The following HPSE2 variants were observed in gnomAD, a reference collection of about 807,000 sequenced individuals.
HPSE2 encodes the protein inactive heparanase-2.
A neutral mutation model predicts 60.5 loss-of-function variants in HPSE2; 38 were observed. The ratio of observed to expected loss-of-function variants is 0.63; its 90% confidence interval spans 0.48 to 0.82. The LOEUF is 0.82. Ranked by LOEUF, HPSE2 falls within the 40% of genes least tolerant of loss-of-function variation. The probability of loss-of-function intolerance (pLI) is 0.00; values close to 1 mark genes in which losing one functional copy is unlikely to be tolerated. For synonymous variants in HPSE2, 295 were observed against 293.2 expected, an observed-to-expected ratio of 1.01 and a Z score of -0.06; for missense variants, 713 against 740.4, an observed-to-expected ratio of 0.96 and a Z score of 0.43.
chr10:98,541,389 A>C (rs1943452574), intron 9 of HPSE2, among the ~76,000 whole-genome samples: 1 of 152,190 alleles, frequency 6.6e-6, no homozygotes, highest in African/African-American at 2.4e-5. Flanking sequence ...AGCCTGAGCA[A>C]CCCAGAAGAT....
chr10:98,964,942 A>T (rs966401175), intron 3 of HPSE2, among the ~76,000 whole-genome samples: 7 of 152,080 alleles, frequency 4.6e-5, no homozygotes, highest in African/African-American at 1.4e-4. Flanking sequence ...TTAATCCTCA[A>T]CAAGCACTTC....
intron 9 of HPSE2, among the ~76,000 whole-genome samples, chr10:98,507,263 T>C (rs923062896): frequency 6.6e-6 from 1 of 152,154 alleles, no homozygotes; most frequent in African/African-American, 2.4e-5. Context: ...AGGCCCTGAG[T>C]GTATTATTTT....
chr10:98,739,417 C>G (rs971362599), intron 4 of HPSE2, among the ~76,000 whole-genome samples: 9 of 150,128 alleles, frequency 6.0e-5, no homozygotes, highest in African/African-American at 1.7e-4. Flanking sequence ...ACATGTATAC[C>G]TATATAACAA....
chr10:99,108,458 A>G (rs1033560500), intron 3 of HPSE2, among the ~76,000 whole-genome samples: 4 of 152,084 alleles, frequency 2.6e-5, no homozygotes, highest in Non-Finnish European at 4.4e-5. Context: ...ATGTTTAGAT[A>G]TCTGTTTCTT....
chr10:99,279,536 C>T, the HPSE2 span, among the ~76,000 whole-genome samples: 1 of 152,202 alleles, frequency 6.6e-6, no homozygotes, highest in African/African-American at 2.4e-5. Context: ...TTGTCAAATA[C>T]TGTGGTTCAT....
intron 9 of HPSE2, among the ~76,000 whole-genome samples, chr10:98,586,190 C>T (rs1944935912): frequency 6.6e-6 from 1 of 152,138 alleles, no homozygotes; most frequent in African/African-American, 2.4e-5. Context: ...AGGTTCATGC[C>T]TCAGTATCTA....
At chr10:98,503,212 G>GAA (rs1188841526) in intron 9 of HPSE2, among the ~76,000 whole-genome samples, 3 of 37,428 alleles carry the variant, frequency 8.0e-5, no homozygotes, top group East Asian at 8.4e-4. Context: ...GACTCCATCA[G>GAA]AAAAAAAGAA....
intron 3 of HPSE2, among the ~76,000 whole-genome samples, chr10:99,014,495 G>C (rs1957090565): frequency 6.6e-6 from 1 of 152,104 alleles, no homozygotes; most frequent in African/African-American, 2.4e-5. Context: ...TGGGTTGAAA[G>C]GTATTTCTGT....
chr10:98,559,285 C>T (rs1229407725), intron 9 of HPSE2, among the ~76,000 whole-genome samples: 1 of 152,184 alleles, frequency 6.6e-6, no homozygotes, highest in Non-Finnish European at 1.5e-5. Context: ...ATCTTGGCCT[C>T]CCAAAGTGCT....
chr10:98,748,570 C>A (rs546057334), intron 3 of HPSE2, among the ~76,000 whole-genome samples: 1 of 152,012 alleles, frequency 6.6e-6, no homozygotes, highest in Non-Finnish European at 1.5e-5. Context: ...GGATAGTGGG[C>A]AGTTGAAGAT....
At chr10:99,221,511 T>C (rs1254954211) in intron 2 of HPSE2, among the ~76,000 whole-genome samples, 2 of 152,020 alleles carry the variant, frequency 1.3e-5, no homozygotes, top group African/African-American at 4.8e-5. Context: ...GCCACAAGAG[T>C]GATTTTTAGA....
chr10:99,119,328 C>A (rs184535500), intron 3 of HPSE2, among the ~76,000 whole-genome samples: 50 of 152,216 alleles, frequency 3.3e-4, no homozygotes, highest in African/African-American at 1.2e-3. Context: ...ATCAGGAATG[C>A]AATCCCATTC....
intron 2 of HPSE2, among the ~76,000 whole-genome samples, chr10:99,207,455 T>C (rs1848788612): frequency 1.3e-5 from 2 of 151,990 alleles, no homozygotes; most frequent in Non-Finnish European, 2.9e-5. Context: ...CACTAAGATA[T>C]AAAAATCACT....
intron 6 of HPSE2, among the ~76,000 whole-genome samples, chr10:98,688,528 T>C (rs1947987524): frequency 7.0e-6 from 1 of 143,710 alleles, no homozygotes; most frequent in African/African-American, 2.6e-5. Flanking sequence ...CAGGCTGGAG[T>C]GCAATGATAC....
At chr10:98,842,325 G>A (rs1445664090) in intron 3 of HPSE2, among the ~76,000 whole-genome samples, 1 of 152,112 alleles carries the variant, frequency 6.6e-6, no homozygotes, top group Non-Finnish European at 1.5e-5. Flanking sequence ...TTACCTAGTA[G>A]TGACAACATA....
chr10:98,834,950 T>C (rs889897332), intron 3 of HPSE2, among the ~76,000 whole-genome samples: 3 of 152,182 alleles, frequency 2.0e-5, no homozygotes, highest in African/African-American at 7.2e-5. Context: ...TTTATATTGT[T>C]ATTTTAAAAT....
At chr10:99,194,108 TTAA>T (rs1253249278) in intron 2 of HPSE2, among the ~76,000 whole-genome samples, 1 of 152,004 alleles carries the variant, frequency 6.6e-6, no homozygotes, top group East Asian at 1.9e-4. Flanking sequence ...AAACTAGAAA[TTAA>T]TAATAAGAGA....
chr10:98,832,676 G>C (rs17110933), intron 3 of HPSE2, among the ~76,000 whole-genome samples: 2,117 of 152,224 alleles, frequency 0.014, 43 homozygotes, highest in African/African-American at 0.048. Flanking sequence ...CAGATTAGGA[G>C]ACAGAGAAGG....
chr10:98,521,781 C>T (rs895862287), intron 9 of HPSE2, among the ~76,000 whole-genome samples: 1 of 152,174 alleles, frequency 6.6e-6, no homozygotes, highest in Non-Finnish European at 1.5e-5. Context: ...GGCACATATA[C>T]ACCATAGAAT....
Sources: allele counts gnomAD v4.1 joint callset (sites outside exome capture counted in the v4.1 genomes callset), GRCh38; gene constraint gnomAD v4.1.1; transcripts MANE v1.5; gene names NCBI Gene and HGNC (gene_info 2026-07-23, HGNC 2026-07-21).